CSTF1: variants seen among roughly 807,000 people sequenced by gnomAD.
CSTF1 encodes CF-1 50 kDa subunit.
CSTF1 carries 2 observed loss-of-function variants against 40.9 expected under a neutral mutation model. The observed-to-expected ratio is 0.05, with a 90% CI of 0.02 to 0.15. CSTF1 has a LOEUF of 0.15. Ranked by LOEUF, CSTF1 falls within the 10% of genes least tolerant of loss-of-function variation. The pLI is 1.00. For missense variants in CSTF1, 279 were observed against 558.9 expected (o/e 0.50, Z 5.05); for synonymous variants, 218 against 207.2 (o/e 1.05, Z -0.45).
intron 1 of CSTF1, among the ~76,000 whole-genome samples, chr20:56,394,445 G>C (rs532972682): frequency 6.6e-6 from 1 of 152,334 alleles, no homozygotes; most frequent in East Asian, 1.9e-4. Flanking sequence ...AAATTAGCCT[G>C]GTGTGGTGGC....
At position 56,397,529 on chromosome 20, in the gene CSTF1, A is replaced by T. The variant is rs989956971; in HGVS notation, c.447+45A>T. ...ACTTATTGATTGCCTTCTGTTTTTCATTTTTGGAAAAATGAGAGTATGGTT... is the reference window on the plus strand; with the variant it reads ...ACTTATTGATTGCCTTCTGTTTTTCTTTTTTGGAAAAATGAGAGTATGGTT... On this transcript the variant is annotated intron_variant, in intron 3 of 5. Coordinates refer to ENST00000217109, the MANE Select transcript of CSTF1 (RefSeq NM_001324.3). The surrounding 1 kb of genome is among the most constrained non-coding windows in gnomAD (Gnocchi z 4.4). The T allele has an allele frequency of 1.2e-6, 2 of 1,603,000 alleles. No individual in the cohort carries two copies. The highest frequency in any genetic ancestry group is 2.7e-5 in the African/African-American group (2 of 74,516).
chr20:56,401,750 G>A (rs148520009), intron 5 of CSTF1, among the ~76,000 whole-genome samples: 3 of 152,134 alleles, frequency 2.0e-5, no homozygotes, highest in Admixed American at 6.6e-5. Flanking sequence ...CTGAGCACTC[G>A]CACTCCAGAG....
In CSTF1 at chr20:56,399,554, G is replaced by T. The variant is rs1389695355; in HGVS notation, c.1036+197G>T. Among the ~76,000 whole-genome samples the T allele has an allele frequency of 1.3e-5, 2 of 152,210 alleles. No individual in the cohort carries two copies. Among genetic ancestry groups the T allele is most frequent in the Non-Finnish European group, 1.5e-5 (1 of 68,050 alleles). ...GGCTACACGACTTGGAAATAGAACG[G>T]TGCTTTCTTTGCTCTTCTGAGCACC... is the stretch of plus-strand genomic sequence containing the variant. On this transcript the variant is annotated intron_variant, in intron 5 of 5. Coordinates refer to ENST00000217109, the MANE Select transcript of CSTF1 (RefSeq NM_001324.3). This position sits in a 1 kb window ranked among gnomAD's most constrained non-coding sequence, Gnocchi z 4.6.
Position 56,404,005 on chromosome 20 carries a change from C to G in CSTF1, c.*278C>G. ...TACAGGACTTGCCGTTTCTTTTGATCTCTTGATTGAAGGAGGATAGGGCAT... is the reference window on the plus strand; with the variant it reads ...TACAGGACTTGCCGTTTCTTTTGATGTCTTGATTGAAGGAGGATAGGGCAT... On this transcript the variant is annotated 3_prime_UTR_variant, in exon 6 of 6. Coordinates refer to ENST00000217109, the MANE Select transcript of CSTF1 (RefSeq NM_001324.3). 8.6e-6 allele frequency: 3 copies of G among 350,312 alleles called. No homozygotes were observed. The highest frequency in any genetic ancestry group is 5.2e-6 in the Non-Finnish European group (1 of 191,266). The allele number at this position is 350,312 out of a possible 1,614,324, so 21.7% of individuals were successfully genotyped here.
chr20:56,399,417 C>A lies in CSTF1; in HGVS notation c.1036+60C>A. 7.1e-7 allele frequency: 1 copy of A among 1,414,452 alleles called. No individual in the cohort carries two copies. The highest frequency in any genetic ancestry group is 1.3e-5 in the South Asian group (1 of 77,524). 87.6% of individuals were successfully genotyped at this position (1,414,452 alleles called of 1,614,324 possible). On this transcript the variant is annotated intron_variant, in intron 5 of 5. Coordinates refer to ENST00000217109, the MANE Select transcript of CSTF1 (RefSeq NM_001324.3). The surrounding 1 kb of genome is among the most constrained non-coding windows in gnomAD (Gnocchi z 4.6). ...TAGTGTTTACACTTTCCAGAACTCT[C>A]TTTTAAGACCTCACAATAGAGCAAC...
chr20:56,398,952 T>A lies in CSTF1; in HGVS notation c.646-15T>A. The A allele has an allele frequency of 6.3e-7, 1 of 1,581,044 alleles. No homozygotes were observed. The highest frequency in any genetic ancestry group is 8.6e-7 in the Non-Finnish European group (1 of 1,162,186). ...CACCAGTTGGTCACTTGTATTAATG[T>A]CTCTGTCCCAACAGGAAGCTGAAAT... On this transcript the variant is annotated splice_polypyrimidine_tract_variant and intron_variant, in intron 4 of 5. Transcript: ENST00000217109.
intron 5 of CSTF1, among the ~76,000 whole-genome samples, chr20:56,400,891 T>A (rs1978419729): frequency 6.6e-6 from 1 of 151,966 alleles, no homozygotes. Flanking sequence ...ATACAAAAAT[T>A]AGCTGGGCTT....
At chr20:56,398,462 C>T (rs1978325310) in intron 4 of CSTF1, among the ~76,000 whole-genome samples, 1 of 152,186 alleles carries the variant, frequency 6.6e-6, no homozygotes, top group Non-Finnish European at 1.5e-5. Flanking sequence ...CCCAGCTACT[C>T]AGGAGGCGGA....
rs985212476 is a variant in CSTF1 at position 56,400,454 on chromosome 20, G to A, written c.1036+1097G>A. 1.0e-3 allele frequency among the ~76,000 whole-genome samples: 159 copies of A among 152,310 alleles called. 1 individual carries two copies. Among genetic ancestry groups the A allele is most frequent in the African/African-American group, 3.7e-3 (154 of 41,570 alleles). On this transcript the variant is annotated intron_variant, in intron 5 of 5. Transcript: ENST00000217109. ...ATAAAAAAGTGATCAGGGTAAATGT[G>A]AAAGTACTCCCCCTATAGAAGTTAT...
At chr20:56,398,132 T>A (rs1464087024) in intron 4 of CSTF1, among the ~76,000 whole-genome samples, 2 of 152,240 alleles carry the variant, frequency 1.3e-5, no homozygotes, top group African/African-American at 4.8e-5. Context: ...CACGACCAGC[T>A]TCACTAATAT....
intron 1 of CSTF1, among the ~76,000 whole-genome samples, chr20:56,394,626 T>C (rs1987464443): frequency 1.3e-5 from 2 of 152,224 alleles, no homozygotes; most frequent in African/African-American, 2.4e-5. Context: ...TCACTTTTAT[T>C]CTTTATTGCT....
At chr20:56,403,224 C>T (rs1978544165) in intron 5 of CSTF1, among the ~76,000 whole-genome samples, 1 of 151,668 alleles carries the variant, frequency 6.6e-6, no homozygotes, top group Admixed American at 6.6e-5. Context: ...GCCTGTTGCC[C>T]AGACTGGTCT....
At chr20:56,396,998 C>G in intron 2 of CSTF1, 3 of 545,866 alleles carry the variant, frequency 5.5e-6, no homozygotes, top group Non-Finnish European at 9.6e-6. Flanking sequence ...GCCTAACCTT[C>G]CAGCAACCCA....
At chr20:56,396,048 G>A (rs535319152) in intron 2 of CSTF1, 60 of 201,048 alleles carry the variant, frequency 3.0e-4, no homozygotes, top group African/African-American at 1.2e-3. Context: ...AAAATAATCC[G>A]ACCCTTTCGT....
intron 1 of CSTF1, among the ~76,000 whole-genome samples, chr20:56,394,256 A>G (rs1435413973): frequency 6.6e-6 from 1 of 152,210 alleles, no homozygotes; most frequent in African/African-American, 2.4e-5. Flanking sequence ...GTTATTGGTT[A>G]TTATTAACAC....
At chr20:56,394,059 G>A (rs1761499106) in intron 1 of CSTF1, among the ~76,000 whole-genome samples, 1 of 152,154 alleles carries the variant, frequency 6.6e-6, no homozygotes, top group South Asian at 2.1e-4. Flanking sequence ...CGTTGAGTAG[G>A]TGTCCTGACC....
intron 2 of CSTF1, among the ~76,000 whole-genome samples, chr20:56,396,744 T>C (rs762747712): frequency 6.6e-6 from 1 of 152,236 alleles, no homozygotes; most frequent in Non-Finnish European, 1.5e-5. Flanking sequence ...ATATTCTTGA[T>C]AAACCAGTTT....
chr20:56,401,972 T>C (rs1978469429), intron 5 of CSTF1, among the ~76,000 whole-genome samples: 1 of 152,192 alleles, frequency 6.6e-6, no homozygotes, highest in Admixed American at 6.5e-5. Context: ...CTACATATGC[T>C]TGAATATTAA....
chr20:56,403,772 C>T lies in CSTF1; in HGVS notation c.*45C>T, dbSNP rs771299882. On this transcript the variant is annotated 3_prime_UTR_variant, in exon 6 of 6. Coordinates refer to ENST00000217109, the MANE Select transcript of CSTF1 (RefSeq NM_001324.3). ...TCTTTCTCGAGGACTCTACCCTCCT[C>T]CCCCACGTCCTGTCTCAGCTGCAGT... 1 of 1,561,416 alleles carries T rather than the reference C, an allele frequency of 6.4e-7. No homozygotes were observed. Among genetic ancestry groups the T allele is most frequent in the Non-Finnish European group, 8.7e-7 (1 of 1,146,866 alleles).
Sources: allele counts gnomAD v4.1 joint callset (sites outside exome capture counted in the v4.1 genomes callset), GRCh38; gene constraint gnomAD v4.1.1; non-coding constraint Gnocchi (gnomAD v3.1); transcripts MANE v1.5; gene names NCBI Gene and HGNC (gene_info 2026-07-23, HGNC 2026-07-21).